SLC4A10: variants seen among roughly 807,000 people sequenced by gnomAD.
SLC4A10 encodes the protein solute carrier family 4 member 10, also known as sodium-driven chloride bicarbonate exchanger.
Under a neutral mutation model 137.7 loss-of-function variants are expected in SLC4A10, and 42 were observed. The ratio of observed to expected loss-of-function variants is 0.30; its 90% CI spans 0.24 to 0.39. The LOEUF is 0.39. Ranked by LOEUF, SLC4A10 falls within the 10% of genes least tolerant of loss-of-function variation. The pLI is 1.00. For missense variants in SLC4A10, 925 were observed against 1,355.0 expected (o/e 0.68, Z 4.98); for synonymous variants, 474 against 464.1 (o/e 1.02, Z -0.27).
chr2:161,841,942 A>G (rs1490804678), intron 4 of SLC4A10, among the ~76,000 whole-genome samples: 1 of 152,172 alleles, frequency 6.6e-6, no homozygotes, highest in Non-Finnish European at 1.5e-5. Flanking sequence ...GGGATTATAT[A>G]ATATACAGTG....
chr2:161,677,950 C>A (rs984723189), intron 1 of SLC4A10, among the ~76,000 whole-genome samples: 1 of 152,238 alleles, frequency 6.6e-6, no homozygotes, highest in South Asian at 2.1e-4. Flanking sequence ...CCTGAAATCA[C>A]GTGGTCCTTC....
At chr2:161,755,764 T>G (rs1322010457) in intron 1 of SLC4A10, among the ~76,000 whole-genome samples, 2 of 151,852 alleles carry the variant, frequency 1.3e-5, no homozygotes, top group South Asian at 2.1e-4. Flanking sequence ...CTTAACTCGT[T>G]CCTTAAATTT....
At chr2:161,897,930 T>C (rs940713376) in intron 11 of SLC4A10, among the ~76,000 whole-genome samples, 13 of 152,152 alleles carry the variant, frequency 8.5e-5, no homozygotes, top group African/African-American at 2.9e-4. Flanking sequence ...TAAGTGTTTT[T>C]GAAAACACCT....
chr2:161,942,909 A>C lies in SLC4A10; in HGVS notation c.2103+12A>C. The stretch of plus-strand genomic sequence containing the variant: ...ACCTAACTGTGTCAGTAAGTAAAAC[A>C]CTGAAAAATAAGTCATACCTAAGAG... On this transcript the variant is annotated intron_variant, in intron 16 of 26. Transcript: ENST00000446997. 6.4e-7 allele frequency: 1 copy of C among 1,563,128 alleles called. No individual in the cohort carries two copies. Among genetic ancestry groups the C allele is most frequent in the Non-Finnish European group, 8.7e-7 (1 of 1,149,776 alleles).
chr2:161,954,277 GA>G (rs1183287203), intron 19 of SLC4A10, among the ~76,000 whole-genome samples: 2 of 152,114 alleles, frequency 1.3e-5, no homozygotes, highest in Non-Finnish European at 2.9e-5. Context: ...GCCAAGCTTT[GA>G]AATGAATTTT....
At chr2:161,835,855 C>A (rs539574372) in intron 3 of SLC4A10, among the ~76,000 whole-genome samples, 20 of 152,192 alleles carry the variant, frequency 1.3e-4, no homozygotes, top group African/African-American at 4.6e-4. Flanking sequence ...GTAAGGGAAA[C>A]CTTTATGGTT....
chr2:161,631,530 G>T (rs1028679037), intron 1 of SLC4A10, among the ~76,000 whole-genome samples: 7 of 151,604 alleles, frequency 4.6e-5, no homozygotes, highest in Non-Finnish European at 1.0e-4. Flanking sequence ...CAGGGTTTCA[G>T]GTTATTTGCA....
chr2:161,869,828 C>A (rs1322618494), intron 6 of SLC4A10, among the ~76,000 whole-genome samples: 1 of 151,428 alleles, frequency 6.6e-6, no homozygotes, highest in African/African-American at 2.4e-5. Context: ...AACTACTGCT[C>A]TGAAATATAA....
intron 4 of SLC4A10, among the ~76,000 whole-genome samples, chr2:161,853,548 G>A (rs1442394859): frequency 6.6e-6 from 1 of 152,194 alleles, no homozygotes; most frequent in African/African-American, 2.4e-5. Context: ...GGAAGAGAGG[G>A]AGAACCAGTT....
chr2:161,680,425 G>A (rs1008956962), intron 1 of SLC4A10, among the ~76,000 whole-genome samples: 2 of 152,096 alleles, frequency 1.3e-5, no homozygotes, highest in African/African-American at 4.8e-5. Context: ...ACAGGGAATA[G>A]GAGAGGGAAG....
intron 1 of SLC4A10, among the ~76,000 whole-genome samples, chr2:161,625,418 A>T (rs2032125327): frequency 6.6e-6 from 1 of 151,938 alleles, no homozygotes; most frequent in South Asian, 2.1e-4. Flanking sequence ...AAAAAAGAAA[A>T]AAAAAACCCA....
chr2:161,799,105 G>A (rs1315828706), intron 2 of SLC4A10, among the ~76,000 whole-genome samples: 1 of 151,216 alleles, frequency 6.6e-6, no homozygotes, highest in African/African-American at 2.4e-5. Flanking sequence ...AAATGGTTTT[G>A]TATTTTTATT....
At chr2:161,905,486 G>T (rs762033060) in intron 14 of SLC4A10, among the ~76,000 whole-genome samples, 156 bp from the exon 15 acceptor site, 7 of 152,180 alleles carry the variant, frequency 4.6e-5, no homozygotes, top group Non-Finnish European at 1.0e-4. Context: ...AGGGGTTGGG[G>T]ACCCCTGCTT....
intron 1 of SLC4A10, among the ~76,000 whole-genome samples, chr2:161,732,503 C>T (rs2046921306): frequency 6.6e-6 from 1 of 152,210 alleles, no homozygotes; most frequent in Non-Finnish European, 1.5e-5. Flanking sequence ...TTAAAAGATA[C>T]TGACACATTG....
intron 15 of SLC4A10, among the ~76,000 whole-genome samples, chr2:161,915,751 G>T (rs924230899): frequency 6.6e-6 from 1 of 152,188 alleles, no homozygotes; most frequent in African/African-American, 2.4e-5. Flanking sequence ...TGCAAGGGTT[G>T]AGCAGGGTGG....
chr2:161,891,898 G>C (rs538903328), intron 10 of SLC4A10, among the ~76,000 whole-genome samples: 1 of 151,930 alleles, frequency 6.6e-6, no homozygotes, highest in Non-Finnish European at 1.5e-5. Flanking sequence ...GGAATTTTCA[G>C]CCTTTTTGTG....
At chr2:161,909,481 T>A (rs11898733) in intron 15 of SLC4A10, among the ~76,000 whole-genome samples, 3 of 152,180 alleles carry the variant, frequency 2.0e-5, no homozygotes, top group Non-Finnish European at 4.4e-5. Flanking sequence ...GGTTCATCCT[T>A]ATGGGCATGA....
chr2:161,890,661 CT>C (rs2126018932), intron 10 of SLC4A10, among the ~76,000 whole-genome samples: 1 of 152,196 alleles, frequency 6.6e-6, no homozygotes, highest in South Asian at 2.1e-4. Context: ...TCCTCTATCC[CT>C]TTATTTTGAG....
chr2:161,648,595 C>A lies in SLC4A10; in HGVS notation c.48+24029C>A, dbSNP rs77886606. On this transcript the variant is annotated intron_variant, in intron 1 of 26. Coordinates refer to ENST00000446997, the MANE Select transcript of SLC4A10 (RefSeq NM_001178015.2). ...ATAGAGAGCTAAGGTTTCCGTTGAT[C>A]ACCAACCCTGAGTGTTAGCCTCCTC... Among the ~76,000 whole-genome samples, 907 of 152,300 alleles carry A rather than the reference C, an allele frequency of 6.0e-3. 8 individuals carry two copies. The highest frequency in any genetic ancestry group is 0.02 in the African/African-American group (837 of 41,546).
Sources: allele counts gnomAD v4.1 joint callset (sites outside exome capture counted in the v4.1 genomes callset), GRCh38; gene constraint gnomAD v4.1.1; transcripts MANE v1.5; gene names NCBI Gene and HGNC (gene_info 2026-07-23, HGNC 2026-07-21).